The following ATP2B2 variants were observed in gnomAD, a reference collection of about 807,000 sequenced individuals.
The protein encoded by ATP2B2 is ATPase plasma membrane Ca2+ transporting 2, also known as plasma membrane calcium-transporting ATPase 2.
ATP2B2 carries 15 observed loss-of-function variants against 120.0 expected under a neutral mutation model. That is an observed-to-expected ratio of 0.12 (90% CI 0.08 to 0.19). ATP2B2 has a LOEUF of 0.19. Among genes scored for constraint, ATP2B2 ranks in the 10% least tolerant of loss-of-function variants. The probability of loss-of-function intolerance (pLI) is 1.00; values close to 1 mark genes in which losing one functional copy is unlikely to be tolerated. For synonymous variants in ATP2B2, 694 were observed against 700.3 expected (o/e 0.99, Z 0.14); for missense variants, 1,045 against 1,719.8 (o/e 0.61, Z 6.94).
intron 1 of ATP2B2, among the ~76,000 whole-genome samples, chr3:10,675,032 C>T (rs1308852122): frequency 3.3e-5 from 5 of 152,128 alleles, no homozygotes; most frequent in East Asian, 3.8e-4. Flanking sequence ...TGGGGAATTC[C>T]GTTACTTTGG....
In ATP2B2 at chr3:10,430,473, G is replaced by A. The variant is rs375774201; in HGVS notation, c.199+18872C>T. ...CTTTGAGGGGTTCAAGACTTCAGTGGAGGAGGTCACTGCAGATGTGGTGAA... is the reference window on the plus strand; with the variant it reads ...CTTTGAGGGGTTCAAGACTTCAGTGAAGGAGGTCACTGCAGATGTGGTGAA... On this transcript the variant is annotated intron_variant, in intron 2 of 22. Transcript: ENST00000360273. 2.6e-5 allele frequency among the ~76,000 whole-genome samples: 4 copies of A among 152,310 alleles called. No individual in the cohort carries two copies. The South Asian group carries it at 8.3e-4, about 32-fold the overall frequency.
At chr3:10,610,819 GTC>G (rs1218180278) in intron 2 of ATP2B2, among the ~76,000 whole-genome samples, 4 of 152,142 alleles carry the variant, frequency 2.6e-5, no homozygotes, top group African/African-American at 9.7e-5. Flanking sequence ...GTCTCTCTGG[GTC>G]TCGGTCTACC....
chr3:10,467,371 C>G (rs577534966), intron 1 of ATP2B2, among the ~76,000 whole-genome samples: 1 of 152,324 alleles, frequency 6.6e-6, no homozygotes, highest in East Asian at 1.9e-4. Flanking sequence ...TTGAGAGCCC[C>G]GCTCCAGGGG....
intron 3 of ATP2B2, among the ~76,000 whole-genome samples, chr3:10,531,978 T>A (rs1429737211): frequency 6.6e-6 from 1 of 151,950 alleles, no homozygotes; most frequent in African/African-American, 2.4e-5. Context: ...CTCCTTGGAT[T>A]CTCCCCGCCC....
At chr3:10,593,311 C>A (rs991315308) in intron 2 of ATP2B2, among the ~76,000 whole-genome samples, 2 of 152,206 alleles carry the variant, frequency 1.3e-5, no homozygotes, top group Non-Finnish European at 2.9e-5. Flanking sequence ...AAAACTGAGT[C>A]TTAGGGTGGT....
At chr3:10,572,896 T>C (rs535702796) in intron 2 of ATP2B2, among the ~76,000 whole-genome samples, 133 of 152,304 alleles carry the variant, frequency 8.7e-4, no homozygotes, top group African/African-American at 3.2e-3. Context: ...GGAAGCTGCA[T>C]CTCTCAGCTC....
At chr3:10,692,372 G>A (rs943829713) in intron 1 of ATP2B2, among the ~76,000 whole-genome samples, 1 of 152,186 alleles carries the variant, frequency 6.6e-6, no homozygotes, top group African/African-American at 2.4e-5. Context: ...GCCGGCTGCA[G>A]ACAAGTCATC....
At chr3:10,683,736 A>ATGTGTGTGTGTGTGTGTG (rs1559519993) in intron 1 of ATP2B2, among the ~76,000 whole-genome samples, 12 of 124,232 alleles carry the variant, frequency 9.7e-5, no homozygotes, top group African/African-American at 3.6e-4. Context: ...GTGTATATAT[A>ATGTGTGTGTGTGTGTGTG]TGTGTATATA....
At chr3:10,650,771 C>T (rs958382594) in intron 1 of ATP2B2, among the ~76,000 whole-genome samples, 3 of 152,114 alleles carry the variant, frequency 2.0e-5, no homozygotes, top group Admixed American at 6.5e-5. Context: ...CAGCTTGCAC[C>T]GTGCACCTGG....
chr3:10,375,169 C>A lies in ATP2B2; in HGVS notation c.1416+261G>T, dbSNP rs2061347085. On this transcript the variant is annotated intron_variant, in intron 11 of 22. Coordinates refer to ENST00000360273, the MANE Select transcript of ATP2B2 (RefSeq NM_001001331.4). This position sits in a 1 kb window ranked among gnomAD's most constrained non-coding sequence, Gnocchi z 4.2. ...ACAATGTGGCAATGCTGGGCCTGCA[C>A]CCCTGCAAGGCGGCGTGTGGCTGGG... Among the ~76,000 whole-genome samples the A allele has an allele frequency of 6.6e-6, 1 of 152,214 alleles. No homozygotes were observed. The highest frequency in any genetic ancestry group is 1.5e-5 in the Non-Finnish European group (1 of 68,038).
At chr3:10,520,540 G>T (rs112715157) in intron 3 of ATP2B2, among the ~76,000 whole-genome samples, 1 of 152,148 alleles carries the variant, frequency 6.6e-6, no homozygotes, top group South Asian at 2.1e-4. Flanking sequence ...CACAATCTCG[G>T]CTCACTGCAA....
intron 5 of ATP2B2, among the ~76,000 whole-genome samples, chr3:10,399,187 G>A (rs566957516): frequency 2.9e-4 from 44 of 152,302 alleles, no homozygotes; most frequent in Middle Eastern, 3.4e-3. Context: ...TGCCCCCAAG[G>A]ATGCTCTGTC....
chr3:10,496,303 C>A (rs1166087312), intron 1 of ATP2B2, among the ~76,000 whole-genome samples: 1 of 152,210 alleles, frequency 6.6e-6, no homozygotes, highest in East Asian at 1.9e-4. Flanking sequence ...AGCTTCCACA[C>A]CCCAGCTGCT....
At chr3:10,368,918 C>G (rs1160634161) in intron 12 of ATP2B2, among the ~76,000 whole-genome samples, 1 of 152,234 alleles carries the variant, frequency 6.6e-6, no homozygotes, top group Non-Finnish European at 1.5e-5. Flanking sequence ...CATCACCCAT[C>G]CACCCAGCAC....
At chr3:10,694,447 C>T (rs1193374874) in intron 1 of ATP2B2, among the ~76,000 whole-genome samples, 1 of 152,210 alleles carries the variant, frequency 6.6e-6, no homozygotes, top group East Asian at 1.9e-4. Context: ...GCATTTTGCA[C>T]TCCTCGAGGT....
At position 10,471,924 on chromosome 3, in the gene ATP2B2, C is replaced by CA. The variant is rs536243295; in HGVS notation, c.-319-22063dup. Among the ~76,000 whole-genome samples the CA allele has an allele frequency of 6.8e-3, 1,027 of 151,376 alleles. 15 individuals are homozygous for CA. Among genetic ancestry groups the CA allele is most frequent in the African/African-American group, 0.024 (985 of 41,304 alleles). On this transcript the variant is annotated intron_variant, in intron 1 of 22. Transcript: ENST00000360273. ...TGAAACCCCGTCTCTACTAAAAATA[C>CA]AAAAAAATTAGCCGGGTGTGGTGGC...
At chr3:10,620,640 C>A (rs2069519337) in intron 1 of ATP2B2, among the ~76,000 whole-genome samples, 1 of 152,166 alleles carries the variant, frequency 6.6e-6, no homozygotes, top group African/African-American at 2.4e-5. Context: ...AGAGCAGATG[C>A]TTGATGGGAG....
chr3:10,682,203 G>A (rs1167201761), intron 1 of ATP2B2, among the ~76,000 whole-genome samples: 1 of 152,160 alleles, frequency 6.6e-6, no homozygotes, highest in Non-Finnish European at 1.5e-5. Flanking sequence ...TTTTGCCATG[G>A]ACTTTCCATC....
At position 10,696,731 on chromosome 3, in the gene ATP2B2, C is replaced by A. The variant is rs116648842; in HGVS notation, c.-460+11184G>T. The stretch of plus-strand genomic sequence containing the variant: ...GGCAGAGTTTGGGCAAGAGAGAATG[C>A]TAGAAACCAACCATCCCAATCCCTT... On this transcript the variant is annotated intron_variant, in intron 1 of 21. Coordinates refer to the ATP2B2 transcript ENST00000646379. 2.0e-5 allele frequency among the ~76,000 whole-genome samples: 3 copies of A among 152,142 alleles called. No individual in the cohort carries two copies. The South Asian group carries it at 6.2e-4, about 32-fold the overall frequency.
Sources: gnomAD v4.1 joint callset for allele counts (sites outside exome capture counted in the v4.1 genomes callset) on GRCh38, gnomAD v4.1.1 for gene constraint, Gnocchi (gnomAD v3.1) non-coding constraint, MANE v1.5 for transcripts, NCBI Gene and HGNC (gene_info 2026-07-23, HGNC 2026-07-21) for gene names.